LATS1: variants seen among roughly 807,000 people sequenced by gnomAD.
The protein encoded by LATS1 is serine/threonine-protein kinase LATS1.
A neutral mutation model predicts 106.6 loss-of-function variants in LATS1; 25 were observed. The ratio of observed to expected loss-of-function variants is 0.23; its 90% CI spans 0.17 to 0.33. The LOEUF is 0.33. Among genes scored for constraint, LATS1 ranks in the 10% least tolerant of loss-of-function variants. The probability of loss-of-function intolerance (pLI) is 1.00; values close to 1 mark genes in which losing one functional copy is unlikely to be tolerated. For synonymous variants in LATS1, 465 were observed against 455.6 expected, an observed-to-expected ratio of 1.02 and a Z score of -0.26; for missense variants, 1,040 against 1,382.6, an observed-to-expected ratio of 0.75 and a Z score of 3.93.
At chr6:149,708,855 T>C (rs1321057839) in intron 1 of LATS1, among the ~76,000 whole-genome samples, 1 of 152,132 alleles carries the variant, frequency 6.6e-6, no homozygotes, top group African/African-American at 2.4e-5. Context: ...ATTGTGAAAA[T>C]AGACAAAGAC....
chr6:149,705,444 C>A (rs1783709643), intron 1 of LATS1, among the ~76,000 whole-genome samples: 1 of 152,098 alleles, frequency 6.6e-6, no homozygotes, highest in Admixed American at 6.6e-5. Flanking sequence ...TCTTACATGT[C>A]AGTTCTTTTA....
Position 149,662,082 on chromosome 6 carries a change from C to T in LATS1, c.3040G>A (p.Asp1014Asn), listed in dbSNP as rs1365265425. ...IKAHPFFKTI[D>N]FSSDLRQQSA... The stretch of plus-strand genomic sequence containing the variant: ...TGCTGTCTCAGGTCACTGGAGAAGT[C>T]AATTGTTTTAAAAAATGGATGAGCT... Residue 1014 changes from aspartate to asparagine, a missense_variant, in exon 8 of 8, where the codon GAC (aspartate) becomes AAC (asparagine). Asp to Asn is a conservative substitution (Grantham distance 23). This residue lies in a region of LATS1 where 113 missense variants were observed against 146.3 expected (regional missense o/e 0.77). Transcript: ENST00000543571. 1 of 1,614,072 alleles carries T rather than the reference C, an allele frequency of 6.2e-7. No individual in the cohort carries two copies. The highest frequency in any genetic ancestry group is 2.2e-5 in the East Asian group (1 of 44,876).
rs191963922 is a variant in LATS1 at position 149,662,366 on chromosome 6, G to A, written c.2884-128C>T. 104 of 871,800 alleles carry A rather than the reference G, an allele frequency of 1.2e-4. No individual in the cohort carries two copies. The African/African-American group carries it at 1.7e-3, about 14-fold the overall frequency. 54.0% of individuals were successfully genotyped at this position (871,800 alleles called of 1,614,324 possible). A position where few individuals can be genotyped will look rare whatever the true frequency, so the allele number is the denominator to read the frequency against. On this transcript the variant is annotated intron_variant, in intron 7 of 7. Coordinates refer to ENST00000543571, the MANE Select transcript of LATS1 (RefSeq NM_004690.4). ...AAATAAATTACATGATATTTTGCTGGAAAATAATTTTTTCTCCTATCCCAT... is the reference window on the plus strand; with the variant it reads ...AAATAAATTACATGATATTTTGCTGAAAAATAATTTTTTCTCCTATCCCAT...
chr6:149,661,939 G>T lies in LATS1; in HGVS notation c.3183C>A (p.Leu1061=), dbSNP rs370165822. ...DNEEENVNDT[L]NGWYKNGKHP... is the part of the protein sequence containing the mutation. ...GCTTTCCATTTTTATACCATCCATT[G>T]AGAGTGTCATTTACATTTTCTTCCT... Residue 1061 remains leucine (L), a synonymous_variant, in exon 8 of 8, where the codon CTC becomes CTA. Coordinates refer to ENST00000543571, the MANE Select transcript of LATS1 (RefSeq NM_004690.4). 2.6e-5 allele frequency: 42 copies of T among 1,613,870 alleles called. No individual in the cohort carries two copies. Among genetic ancestry groups the T allele is most frequent in the Non-Finnish European group, 3.5e-5 (41 of 1,179,928 alleles).
At chr6:149,676,918 G>A (rs1251412337) in intron 5 of LATS1, among the ~76,000 whole-genome samples, 181 bp from the exon 6 acceptor site, 1 of 152,128 alleles carries the variant, frequency 6.6e-6, no homozygotes, top group African/African-American at 2.4e-5. Context: ...TTTCTGAGAT[G>A]TCAATAGGAA....
In LATS1 at chr6:149,682,415, CT is replaced by C. The variant is rs869175355; in HGVS notation, c.2010+663del. Among the ~76,000 whole-genome samples the C allele has an allele frequency of 1.8e-3, 253 of 138,286 alleles. 2 individuals carry two copies. The highest frequency in any genetic ancestry group is 0.017 in the East Asian group (81 of 4,758). The allele number at this position is 138,286 out of a possible 152,430, so 90.7% of individuals were successfully genotyped here. A position where few individuals can be genotyped will look rare whatever the true frequency, so the allele number is the denominator to read the frequency against. Reference sequence around the variant, plus strand: ...GATGAGACCCACGTATTTCTTTTTTCTTTTTTTTTTTTTTTTGAGACGGAGT... The same window carrying C: ...GATGAGACCCACGTATTTCTTTTTTCTTTTTTTTTTTTTTTGAGACGGAGT... On this transcript the variant is annotated intron_variant, in intron 4 of 7. Coordinates refer to ENST00000543571, the MANE Select transcript of LATS1 (RefSeq NM_004690.4).
intron 1 of LATS1, among the ~76,000 whole-genome samples, chr6:149,711,484 CAGTGAGCGGAGATTGT>C (rs776960137): frequency 2.2e-4 from 33 of 152,252 alleles, no homozygotes; most frequent in South Asian, 1.9e-3. Context: ...GCGGAGGTTG[CAGTGAGCGGAGATTGT>C]GCCACTGCAC....
intron 1 of LATS1, among the ~76,000 whole-genome samples, chr6:149,704,882 AAT>A (rs1430086025): frequency 0.014 from 1,578 of 109,488 alleles, 32 homozygotes; most frequent in African/African-American, 0.052. Context: ...TATAGAAATT[AAT>A]TATACACACA....
chr6:149,661,749 G>C lies in LATS1; in HGVS notation c.3373C>G (p.Arg1125Gly). 1 of 1,568,008 alleles carries C rather than the reference G, an allele frequency of 6.4e-7. No individual in the cohort carries two copies. Among genetic ancestry groups the C allele is most frequent in the South Asian group, 1.2e-5 (1 of 83,384 alleles). The change falls in exon 8 of 8, where the codon CGC becomes GGC. Residue 1125 changes from arginine to glycine, a missense_variant. Arg to Gly is a moderately radical substitution (Grantham distance 125, BLOSUM62 -2). This residue lies in a region of LATS1 where 46 missense variants were observed against 42.4 expected (regional missense o/e 1.09). Transcript: ENST00000543571. ...GTGTGTTAAACATATACTAGATCGC[G>C]ATTTTTAATCTCTGAGCCTGTGTTT... ...DQNTGSEIKN[R>G]DLVYV is the part of the protein sequence containing the mutation.
chr6:149,662,811 T>C (rs1436410744), intron 7 of LATS1, among the ~76,000 whole-genome samples: 1 of 151,228 alleles, frequency 6.6e-6, no homozygotes, highest in Non-Finnish European at 1.5e-5. Context: ...AAAAAAACTT[T>C]AAAAATTAGC....
At position 149,676,632 on chromosome 6, in the gene LATS1, C is replaced by A. The variant is rs575740406; in HGVS notation, c.2699G>T (p.Arg900Leu). ...ATGTGCTAGACATCGCTGGTGCTGG[C>A]GTGCAGCTCTCCGCTCTAATGGCTT... ...RLKPLERRAA[R>L]QHQRCLAHSL... Residue 900 changes from arginine (R) to leucine (L), a missense_variant, in exon 6 of 8, where the codon CGC becomes CTC. Arg to Leu is a moderately radical substitution (Grantham distance 102). Coordinates refer to ENST00000543571, the MANE Select transcript of LATS1 (RefSeq NM_004690.4). The A allele has an allele frequency of 6.2e-7, 1 of 1,614,062 alleles. No homozygotes were observed. The highest frequency in any genetic ancestry group is 8.5e-7 in the Non-Finnish European group (1 of 1,179,998).
chr6:149,711,497 T>A, intron 1 of LATS1, among the ~76,000 whole-genome samples: 1 of 152,198 alleles, frequency 6.6e-6, no homozygotes, highest in East Asian at 1.9e-4. Context: ...TGAGCGGAGA[T>A]TGTGCCACTG....
chr6:149,686,881 C>G (rs1782402602), intron 3 of LATS1, among the ~76,000 whole-genome samples: 1 of 152,160 alleles, frequency 6.6e-6, no homozygotes, highest in South Asian at 2.1e-4. Context: ...ATCTCAGCTT[C>G]TTGACGTCCC....
chr6:149,677,216 A>C (rs1283920183), intron 5 of LATS1, among the ~76,000 whole-genome samples: 2 of 152,272 alleles, frequency 1.3e-5, no homozygotes, highest in South Asian at 4.1e-4. Context: ...GATGTAACAA[A>C]TGTGACTGGA....
chr6:149,683,921 G>GT lies in LATS1; in HGVS notation c.1167dup (p.Gln390ThrfsTer27). The GT allele has an allele frequency of 6.2e-7, 1 of 1,614,212 alleles. No individual in the cohort carries two copies. Among genetic ancestry groups the GT allele is most frequent in the Non-Finnish European group, 8.5e-7 (1 of 1,180,040 alleles). On this transcript the variant is annotated frameshift_variant, in exon 4 of 8. Transcript: ENST00000543571. LOFTEE classifies it high-confidence loss of function. ...GAAGGAGCAGCAGATCCCCCTGTTT[G>GT]TAAAGCAGAAGGGCTTTGTCCATTA...
At chr6:149,667,977 G>A (rs1781248914) in intron 7 of LATS1, among the ~76,000 whole-genome samples, 1 of 152,222 alleles carries the variant, frequency 6.6e-6, no homozygotes, top group Non-Finnish European at 1.5e-5. Context: ...CTGGAGTGCA[G>A]TGGTGTCATC....
intron 3 of LATS1, among the ~76,000 whole-genome samples, chr6:149,686,274 AAT>A (rs138363053): frequency 0.011 from 1,606 of 152,306 alleles, 29 homozygotes; most frequent in African/African-American, 0.037. Context: ...CAAGTGAGTA[AAT>A]AATGTTTGGG....
chr6:149,715,631 T>C (rs1784339516), intron 1 of LATS1, among the ~76,000 whole-genome samples: 1 of 152,210 alleles, frequency 6.6e-6, no homozygotes, highest in Admixed American at 6.5e-5. Flanking sequence ...TAAAAATTCT[T>C]GTGCACACAT....
intron 7 of LATS1, among the ~76,000 whole-genome samples, chr6:149,672,216 C>T (rs113571174): frequency 7.2e-6 from 1 of 138,590 alleles, no homozygotes; most frequent in African/African-American, 2.7e-5. Context: ...CTTTTCTTTT[C>T]TTTTTTTTTT....
Sources: gnomAD v4.1 joint callset for allele counts (sites outside exome capture counted in the v4.1 genomes callset) on GRCh38, gnomAD v4.1.1 for gene constraint, gnomAD v4.1.1 regional missense constraint, MANE v1.5 for transcripts, NCBI Gene and HGNC (gene_info 2026-07-23, HGNC 2026-07-21) for gene names.